The following ANKRD24 variants were observed in gnomAD, a reference collection of about 807,000 sequenced individuals.
ANKRD24 encodes the protein ankyrin repeat domain-containing protein 24.
In ANKRD24, 109 loss-of-function variants were observed where a neutral mutation model predicts 127.8. The observed-to-expected ratio is 0.85, with a 90% CI of 0.73 to 1.00. The LOEUF (loss-of-function observed/expected upper bound fraction) is 1.00, where lower values mean the gene tolerates loss of function less well. Ranked by LOEUF, ANKRD24 falls within the 50% of genes least tolerant of loss-of-function variation. The pLI is 0.00. For missense variants in ANKRD24, 1,648 were observed against 1,570.2 expected (o/e 1.05, Z -0.84); for synonymous variants, 743 against 671.1 (o/e 1.11, Z -1.66).
chr19:4,200,291 C>T, intron 5 of ANKRD24, 120 bp downstream of exon 5: 2 of 1,093,958 alleles, frequency 1.8e-6, no homozygotes, highest in Non-Finnish European at 2.6e-6. Flanking sequence ...GGGAGGCTCC[C>T]TCTGGTGCTC....
In ANKRD24 at chr19:4,210,286, G is replaced by A. The variant is rs986447900; in HGVS notation, c.973G>A (p.Glu325Lys). The change falls in exon 13 of 22, where the codon GAG becomes AAG. Residue 325 changes from glutamate to lysine, a missense_variant. Physicochemically the swap from Glu to Lys is moderately conservative, Grantham distance 56. Transcript: ENST00000318934. ...ACAGGATGATCGAGATGCCTATGAG[G>A]AGATCGTGAGGCTGCGGCAGGAGAG... ...PMPDDRDAYE[E>K]IVRLRQERGR... 15 of 1,588,174 alleles carry A rather than the reference G, an allele frequency of 9.4e-6. No homozygotes were observed. The African/African-American group carries it at 2.0e-4, about 21-fold the overall frequency.
At chr19:4,188,568 G>A (rs1342031683) in intron 2 of ANKRD24, among the ~76,000 whole-genome samples, 2 of 151,622 alleles carry the variant, frequency 1.3e-5, no homozygotes, top group Admixed American at 1.3e-4. Context: ...TTTTTGTACA[G>A]ATGGGGTGTA....
chr19:4,200,263 G>A, intron 5 of ANKRD24, 92 bp downstream of exon 5: 1 of 1,344,742 alleles, frequency 7.4e-7, no homozygotes, highest in Non-Finnish European at 1.0e-6. Flanking sequence ...AGGTCTCAAT[G>A]TTCCCCGCTG....
rs1470722876 is a variant in ANKRD24 at position 4,199,858 on chromosome 19, C to T, written c.124-17C>T. 1 of 1,560,544 alleles carries T rather than the reference C, an allele frequency of 6.4e-7. No homozygotes were observed. Among genetic ancestry groups the T allele is most frequent in the South Asian group, 1.2e-5 (1 of 84,668 alleles). On this transcript the variant is annotated splice_polypyrimidine_tract_variant and intron_variant, in intron 3 of 21. Transcript: ENST00000318934. This position sits in a 1 kb window ranked among gnomAD's most constrained non-coding sequence, Gnocchi z 5.2. The stretch of plus-strand genomic sequence containing the variant: ...GCAGCCAACACTGCCCCACGCACTT[C>T]TGGGCGTGCCCTGCAGAGTCAAGAC...
Position 4,199,369 on chromosome 19 carries a change from C to A in ANKRD24, c.37-314C>A. On this transcript the variant is annotated intron_variant, in intron 2 of 21. Transcript: ENST00000318934. The surrounding 1 kb of genome is among the most constrained non-coding windows in gnomAD (Gnocchi z 5.2). ...GCAGCTACAGGCATGAGCCACCATG[C>A]CCCGCTGATGATTTTTATTTTTTGT... 2.7e-6 allele frequency: 1 copy of A among 369,520 alleles called. No individual in the cohort carries two copies. Among genetic ancestry groups the A allele is most frequent in the Non-Finnish European group, 3.7e-6 (1 of 267,262 alleles). The allele number at this position is 369,520 out of a possible 1,614,324, so 22.9% of individuals were successfully genotyped here.
chr19:4,217,030 G>T lies in ANKRD24; in HGVS notation c.1870G>T (p.Gly624Ter), dbSNP rs1970128483. Residue 624 changes from glycine to a stop codon, truncating the protein, a stop_gained, in exon 18 of 22, where the codon GGA becomes TGA. Transcript: ENST00000318934. LOFTEE classifies it high-confidence loss of function. ...AGCAAACATGGAAACTAAGCCCACA[G>T]GAGCTCAGGCCACAGACACAGAGAC... ...EEANMETKPT[G>*]AQATDTETTG... The T allele has an allele frequency of 6.2e-7, 1 of 1,613,924 alleles. No homozygotes were observed. Among genetic ancestry groups the T allele is most frequent in the African/African-American group, 1.3e-5 (1 of 75,048 alleles).
intron 2 of ANKRD24, among the ~76,000 whole-genome samples, chr19:4,190,395 G>T (rs1284221616): frequency 1.3e-5 from 2 of 148,936 alleles, no homozygotes; most frequent in African/African-American, 5.0e-5. Flanking sequence ...TTGCACTCCA[G>T]CCTGGGCAAC....
At chr19:4,209,917 G>T in intron 11 of ANKRD24, 141 bp from the exon 12 acceptor site, 4 of 534,606 alleles carry the variant, frequency 7.5e-6, no homozygotes, top group Non-Finnish European at 1.3e-5. Context: ...GGATAAGTAA[G>T]CGGCAGGAGG....
At chr19:4,208,424 C>T (rs1233491572) in intron 10 of ANKRD24, among the ~76,000 whole-genome samples, 4 of 152,090 alleles carry the variant, frequency 2.6e-5, no homozygotes, top group South Asian at 4.1e-4. Context: ...AGGTGCCTGC[C>T]GCCTAAGTCC....
At position 4,216,270 on chromosome 19, in the gene ANKRD24, G is replaced by C. The variant is rs768985908; in HGVS notation, c.1271-14G>C. 38 of 1,550,978 alleles carry C rather than the reference G, an allele frequency of 2.5e-5. 1 individual carries two copies. The South Asian group carries it at 3.6e-4, about 15-fold the overall frequency. On this transcript the variant is annotated splice_polypyrimidine_tract_variant and intron_variant, in intron 16 of 21. Transcript: ENST00000318934. ...GCCCAGGTCCCCAGGGCCTGACTCTGCGTCCCCCTCCAGGGGCCGAGGTGC... is the reference window on the plus strand; with the variant it reads ...GCCCAGGTCCCCAGGGCCTGACTCTCCGTCCCCCTCCAGGGGCCGAGGTGC...
chr19:4,195,895 A>G lies in ANKRD24; in HGVS notation c.37-3788A>G, dbSNP rs142878677. ...GGTGGAAGAGCAAGACTCCGTCTCA[A>G]AAGAAAAAAAGTAAAAGTCTAAGAA... On this transcript the variant is annotated intron_variant, in intron 2 of 21. Transcript: ENST00000318934. This position sits in a 1 kb window ranked among gnomAD's most constrained non-coding sequence, Gnocchi z 4.2. 9.9e-3 allele frequency among the ~76,000 whole-genome samples: 1,506 copies of G among 152,304 alleles called. 14 individuals are homozygous for G. Among genetic ancestry groups the G allele is most frequent in the Middle Eastern group, 0.024 (7 of 294 alleles).
At chr19:4,205,820 C>T (rs535073706) in intron 7 of ANKRD24, among the ~76,000 whole-genome samples, 8 of 151,758 alleles carry the variant, frequency 5.3e-5, no homozygotes, top group African/African-American at 1.5e-4. Flanking sequence ...TGCACTCCAG[C>T]GTGGGTGCAG....
At position 4,212,526 on chromosome 19, in the gene ANKRD24, G is replaced by C. The variant is rs1193378830; in HGVS notation, c.1098+13G>C. The C allele has an allele frequency of 1.0e-5, 16 of 1,555,432 alleles. No individual in the cohort carries two copies. Among genetic ancestry groups the C allele is most frequent in the African/African-American group, 1.4e-5 (1 of 73,416 alleles). On this transcript the variant is annotated intron_variant, in intron 14 of 21. Transcript: ENST00000318934. ...CCTGGAGAGACAGGTAGGTGGGAAG[G>C]TGGGGAGGAGCCGGTCCTCCTGCTG...
Position 4,216,935 on chromosome 19 carries a change from C to T in ANKRD24, c.1775C>T (p.Thr592Ile). 1 of 1,611,026 alleles carries T rather than the reference C, an allele frequency of 6.2e-7. No homozygotes were observed. The highest frequency in any genetic ancestry group is 1.1e-5 in the South Asian group (1 of 90,660). Residue 592 changes from threonine (T) to isoleucine (I), a missense_variant, in exon 18 of 22, where the codon ACA becomes ATA. Transcript: ENST00000318934. ...GCCGAGGCCACGGGAGCTGAGGCCA[C>T]AGGAGCCAAGGTCACAGAAACAAAA... Reference protein sequence around the residue: ...TGAEATGAEATGAKVTETKPT... With the variant: ...TGAEATGAEAIGAKVTETKPT...
In ANKRD24 at chr19:4,206,690, C is replaced by T. The variant is rs7246594; in HGVS notation, c.467-552C>T. On this transcript the variant is annotated intron_variant, in intron 7 of 21. Transcript: ENST00000318934. ...CAGTCGGCAGACCTAGATCCTAGAT[C>T]TGACTCTGCCTCTTACCCCAGTGGG... Among the ~76,000 whole-genome samples, 686 of 152,226 alleles carry T rather than the reference C, an allele frequency of 4.5e-3. 9 individuals are homozygous for T. Among genetic ancestry groups the T allele is most frequent in the African/African-American group, 0.015 (638 of 41,550 alleles).
Position 4,198,427 on chromosome 19 carries a change from C to A in ANKRD24, c.37-1256C>A. The A allele has an allele frequency of 3.4e-6, 2 of 589,574 alleles. No individual in the cohort carries two copies. Among genetic ancestry groups the A allele is most frequent in the East Asian group, 6.8e-5 (2 of 29,282 alleles). 36.5% of individuals were successfully genotyped at this position (589,574 alleles called of 1,614,324 possible). A position where few individuals can be genotyped will look rare whatever the true frequency, so the allele number is the denominator to read the frequency against. ...CTCCGGCCGCTCCCCGCGGTCCCTCCAGACCCTCTGGCCGCCGCCTCCTCT... is the reference window on the plus strand; with the variant it reads ...CTCCGGCCGCTCCCCGCGGTCCCTCAAGACCCTCTGGCCGCCGCCTCCTCT... On this transcript the variant is annotated intron_variant, in intron 2 of 21. Transcript: ENST00000318934. The surrounding 1 kb of genome is among the most constrained non-coding windows in gnomAD (Gnocchi z 6.1).
At position 4,217,716 on chromosome 19, in the gene ANKRD24, T is replaced by G. The variant is rs2145401057; in HGVS notation, c.2556T>G (p.Val852=). Reference sequence around the variant, plus strand: ...TGGAGCAGAGCCGGGAGCTGGAGGTTCTGCGGGAGCAGCTGGCCACGGCCA... The same window carrying G: ...TGGAGCAGAGCCGGGAGCTGGAGGTGCTGCGGGAGCAGCTGGCCACGGCCA... ...ARLEQSRELE[V]LREQLATARA... Residue 852 remains valine, a synonymous_variant, in exon 18 of 22, where the codon GTT becomes GTG. Coordinates refer to ENST00000318934, the MANE Select transcript of ANKRD24 (RefSeq NM_001393985.1). The G allele has an allele frequency of 7.7e-7, 1 of 1,292,100 alleles. No homozygotes were observed. The highest frequency in any genetic ancestry group is 9.8e-7 in the Non-Finnish European group (1 of 1,024,432). The allele number at this position is 1,292,100 out of a possible 1,614,324, so 80.0% of individuals were successfully genotyped here.
At chr19:4,224,355 TG>T in intron 21 of ANKRD24, 72 bp from the exon 22 acceptor site, 1 of 1,535,156 alleles carries the variant, frequency 6.5e-7, no homozygotes, top group Non-Finnish European at 8.9e-7. Flanking sequence ...GCTTGGTCTA[TG>T]GGAGTGGTGG....
intron 19 of ANKRD24, among the ~76,000 whole-genome samples, chr19:4,221,519 C>T (rs1208921427): frequency 6.6e-6 from 1 of 152,090 alleles, no homozygotes; most frequent in Non-Finnish European, 1.5e-5. Flanking sequence ...CGTGAGCCAC[C>T]GCACCTGGTT....
Sources: gnomAD v4.1 joint callset for allele counts (sites outside exome capture counted in the v4.1 genomes callset) on GRCh38, gnomAD v4.1.1 for gene constraint, Gnocchi (gnomAD v3.1) non-coding constraint, MANE v1.5 for transcripts, NCBI Gene and HGNC (gene_info 2026-07-23, HGNC 2026-07-21) for gene names.